The following ZFYVE26 variants were observed in gnomAD, a reference collection of about 807,000 sequenced individuals.
ZFYVE26 encodes zinc finger FYVE-type containing 26.
Under a neutral mutation model 276.5 loss-of-function variants are expected in ZFYVE26, and 181 were observed. The observed-to-expected ratio is 0.65, with a 90% CI of 0.58 to 0.74. The LOEUF (loss-of-function observed/expected upper bound fraction) is 0.74, where lower values mean the gene tolerates loss of function less well. ZFYVE26 is among the 30% of genes least tolerant of loss of function. The probability of loss-of-function intolerance (pLI) is 0.00; values close to 1 mark genes in which losing one functional copy is unlikely to be tolerated. For synonymous variants in ZFYVE26, 1,129 were observed against 1,203.1 expected, an observed-to-expected ratio of 0.94 and a Z score of 1.27; for missense variants, 2,821 against 3,097.9, an observed-to-expected ratio of 0.91 and a Z score of 2.12.
At chr14:67,785,325 T>A in intron 18 of ZFYVE26, 48 bp from the exon 19 acceptor site, 1 of 1,520,250 alleles carries the variant, frequency 6.6e-7, no homozygotes. Context: ...AGTCTGTGAG[T>A]CCAGCTTTGG....
Position 67,805,463 on chromosome 14 carries a change from G to T in ZFYVE26, c.1173C>A (p.His391Gln), listed in dbSNP as rs1457866223. ...ESAKRLLQTL[H>Q]RTQGPGCDEL... Reference sequence around the variant, plus strand: ...GCTGAGTGAGAGTTACCTGGGTCCTGTGCAGGGTCTGGAGCAGCCTCTTGG... The same window carrying T: ...GCTGAGTGAGAGTTACCTGGGTCCTTTGCAGGGTCTGGAGCAGCCTCTTGG... Residue 391 changes from histidine (H) to glutamine (Q), a missense_variant, in exon 7 of 42, where the codon CAC becomes CAA. Coordinates refer to ENST00000347230, the MANE Select transcript of ZFYVE26 (RefSeq NM_015346.4). 4 of 1,614,110 alleles carry T rather than the reference G, an allele frequency of 2.5e-6. No individual in the cohort carries two copies. The highest frequency in any genetic ancestry group is 1.3e-5 in the African/African-American group (1 of 74,948).
At chr14:67,742,372 C>T (rs1049765693), downstream of ZFYVE26, among the ~76,000 whole-genome samples, 19 of 152,300 alleles carry the variant, frequency 1.2e-4, no homozygotes, top group African/African-American at 4.3e-4. Flanking sequence ...CTGAAGTGTA[C>T]ACTTAAAAAT....
chr14:67,777,562 G>A lies in ZFYVE26; in HGVS notation c.4971C>T (p.Ser1657=). ...HREIQALYVG[S]KILLTLPEQH... Reference sequence around the variant, plus strand: ...GGATTTCACGGTGTATCCTTACCTTGGATCCCACATACAGCGCCTGGATTT... The same window carrying A: ...GGATTTCACGGTGTATCCTTACCTTAGATCCCACATACAGCGCCTGGATTT... Residue 1657 remains serine (S), a synonymous_variant, in exon 25 of 42, where the codon TCC becomes TCT. Transcript: ENST00000347230. 1.2e-6 allele frequency: 2 copies of A among 1,613,712 alleles called. No homozygotes were observed. Among genetic ancestry groups the A allele is most frequent in the Non-Finnish European group, 1.7e-6 (2 of 1,179,956 alleles).
intron 3 of ZFYVE26, among the ~76,000 whole-genome samples, chr14:67,811,475 T>A (rs1307615311): frequency 6.6e-6 from 1 of 152,144 alleles, no homozygotes; most frequent in Non-Finnish European, 1.5e-5. Context: ...TTTAAGTCCA[T>A]CTGGGCTAAA....
intron 28 of ZFYVE26, 24 bp from the exon 29 acceptor site, chr14:67,769,754 A>AAGAAAGAGGGAGGAG (rs773177279): frequency 6.2e-7 from 1 of 1,613,880 alleles, no homozygotes; most frequent in South Asian, 1.1e-5. Flanking sequence ...TCAGGAGGAG[A>AAGAAAGAGGGAGGAG]AGAAAGAGGG....
intron 22 of ZFYVE26, among the ~76,000 whole-genome samples, chr14:67,781,122 T>G (rs923525306): frequency 1.3e-5 from 2 of 152,192 alleles, no homozygotes; most frequent in African/African-American, 2.4e-5. Context: ...TACCCTCACT[T>G]CATGCAAATG....
Position 67,756,077 on chromosome 14 carries a change from A to C in ZFYVE26, c.6657T>G (p.Thr2219=), listed in dbSNP as rs905632913. 24 of 1,614,128 alleles carry C rather than the reference A, an allele frequency of 1.5e-5. No homozygotes were observed. The highest frequency in any genetic ancestry group is 2.7e-5 in the African/African-American group (2 of 74,942). Reference sequence around the variant, plus strand: ...CAATGGATTCTAGCAAGTTCTCCAAAGTGTGTAGCTTCCCACTTTTATAGC... The same window carrying C: ...CAATGGATTCTAGCAAGTTCTCCAACGTGTGTAGCTTCCCACTTTTATAGC... ...QPSYKSGKLH[T]LENLLESIDP... Residue 2219 remains threonine, a synonymous_variant, in exon 36 of 42, where the codon ACT becomes ACG. Coordinates refer to ENST00000347230, the MANE Select transcript of ZFYVE26 (RefSeq NM_015346.4).
intron 22 of ZFYVE26, 44 bp downstream of exon 22, chr14:67,781,289 G>A: frequency 6.2e-7 from 1 of 1,604,600 alleles, no homozygotes; most frequent in Non-Finnish European, 8.5e-7. Flanking sequence ...GTTGATCATA[G>A]AGTGAGAAGC....
chr14:67,785,656 G>A (rs1291595036), intron 18 of ZFYVE26, among the ~76,000 whole-genome samples: 3 of 152,150 alleles, frequency 2.0e-5, no homozygotes, highest in Non-Finnish European at 4.4e-5. Flanking sequence ...AGCTGATGGA[G>A]TGTTCACCAT....
downstream of ZFYVE26, among the ~76,000 whole-genome samples, chr14:67,741,783 A>G (rs1311954741): frequency 6.6e-6 from 1 of 152,218 alleles, no homozygotes; most frequent in South Asian, 2.1e-4. Context: ...ACTCAGACTC[A>G]GTTCCCTGAC....
At chr14:67,752,919 T>C (rs965429016) in intron 39 of ZFYVE26, among the ~76,000 whole-genome samples, 1 of 152,160 alleles carries the variant, frequency 6.6e-6, no homozygotes, top group East Asian at 1.9e-4. Flanking sequence ...AACAGACCCA[T>C]TCACTGAAAG....
Position 67,804,120 on chromosome 14 carries a change from C to T in ZFYVE26, c.1416G>A (p.Lys472=). 6.2e-7 allele frequency: 1 copy of T among 1,614,162 alleles called. No homozygotes were observed. The highest frequency in any genetic ancestry group is 8.5e-7 in the Non-Finnish European group (1 of 1,180,030). ...ACTCACCAGGCTCTTGCTGGGGGTC[C>T]TTGGCTGGCACTTTCTGTAAGAGCT... is the stretch of plus-strand genomic sequence containing the variant. ...VLKLLQKVPA[K]DPQQEPDAVD... is the part of the protein sequence containing the mutation. Residue 472 remains lysine, a synonymous_variant, in exon 9 of 42, where the codon AAG becomes AAA. Transcript: ENST00000347230.
At chr14:67,753,938 T>G in intron 38 of ZFYVE26, 133 bp downstream of exon 38, 1 of 1,533,950 alleles carries the variant, frequency 6.5e-7, no homozygotes, top group Non-Finnish European at 9.0e-7. Context: ...ATCACCAGTC[T>G]TTGGTGGCTC....
chr14:67,731,846 G>T (rs896264859), intron 13 of ZFYVE26, among the ~76,000 whole-genome samples: 2 of 151,662 alleles, frequency 1.3e-5, no homozygotes, highest in Non-Finnish European at 2.9e-5. Context: ...TAAAAATTTT[G>T]CCAGGTGCAG....
At chr14:67,760,067 C>G (rs1214136412) in intron 35 of ZFYVE26, among the ~76,000 whole-genome samples, 1 of 152,130 alleles carries the variant, frequency 6.6e-6, no homozygotes, top group Non-Finnish European at 1.5e-5. Context: ...CTAGCTCTGA[C>G]AAATATAAAG....
In ZFYVE26 at chr14:67,785,921, T is replaced by A. The variant is rs775560361; in HGVS notation, c.3241A>T (p.Thr1081Ser). Reference protein sequence around the residue: ...SLSEDCVASHTTLSQQLDQVL... With the variant: ...SLSEDCVASHSTLSQQLDQVL... ...TGATCTAGCTGCTGGGAGAGGGTGGTGTGGCTGGCAACACAGTCCTCGCTT... is the reference window on the plus strand; with the variant it reads ...TGATCTAGCTGCTGGGAGAGGGTGGAGTGGCTGGCAACACAGTCCTCGCTT... Residue 1081 changes from threonine (T) to serine (S), a missense_variant, in exon 18 of 42, where the codon ACC becomes TCC. Physicochemically the swap from Thr to Ser is moderately conservative, Grantham distance 58. Transcript: ENST00000347230. 1 of 1,614,178 alleles carries A rather than the reference T, an allele frequency of 6.2e-7. No individual in the cohort carries two copies. Among genetic ancestry groups the A allele is most frequent in the Admixed American group, 1.7e-5 (1 of 60,016 alleles).
intron 35 of ZFYVE26, 55 bp from the exon 36 acceptor site, chr14:67,756,200 C>T: frequency 6.4e-7 from 1 of 1,572,836 alleles, no homozygotes; most frequent in Admixed American, 1.7e-5. Context: ...CTGGCACTGT[C>T]TGGGATCCAC....
At chr14:67,772,778 G>T (rs1403765481) in intron 27 of ZFYVE26, among the ~76,000 whole-genome samples, 4 of 152,040 alleles carry the variant, frequency 2.6e-5, no homozygotes, top group Non-Finnish European at 5.9e-5. Flanking sequence ...TGGATAGCAA[G>T]ACTCCATCTA....
rs923716916 is a variant in ZFYVE26, at chr14:67,789,479, G to A, written c.2875C>T (p.Pro959Ser). The stretch of plus-strand genomic sequence containing the variant: ...AGGTCTTCCAGAACCTCTCTCAGGG[G>A]AGCAGTGGGCTCCACTAGAGCCGTG... ...ISTALVEPTA[P>S]LREVLEDLSP... The change falls in exon 16 of 42, where the codon CCC becomes TCC. Residue 959 changes from proline (P) to serine (S), a missense_variant. Coordinates refer to ENST00000347230, the MANE Select transcript of ZFYVE26 (RefSeq NM_015346.4). 1.9e-6 allele frequency: 3 copies of A among 1,614,070 alleles called. No individual in the cohort carries two copies. In the Admixed American group the frequency reaches 5.0e-5, roughly 27 times the overall value.
Sources: gnomAD v4.1 joint callset for allele counts (sites outside exome capture counted in the v4.1 genomes callset) on GRCh38, gnomAD v4.1.1 for gene constraint, MANE v1.5 for transcripts, NCBI Gene and HGNC (gene_info 2026-07-23, HGNC 2026-07-21) for gene names.